B3GALT1: variants seen among roughly 807,000 people sequenced by gnomAD.
B3GALT1 encodes the protein UDP-Gal:betaGlcNAc beta 1,3-galactosyltransferase, polypeptide 1.
B3GALT1 carries 10 observed loss-of-function variants against 23.2 expected under a neutral mutation model. The ratio of observed to expected loss-of-function variants is 0.43; its 90% CI spans 0.27 to 0.73. The LOEUF (loss-of-function observed/expected upper bound fraction) is 0.73. B3GALT1 is among the 30% of genes least tolerant of loss of function. The pLI is 0.21. For synonymous variants in B3GALT1, 156 were observed against 141.5 expected, an observed-to-expected ratio of 1.10 and a Z score of -0.73; for missense variants, 299 against 405.4, an observed-to-expected ratio of 0.74 and a Z score of 2.25.
chr2:167,739,939 C>A (rs12620187), intron 3 of B3GALT1, among the ~76,000 whole-genome samples: 75,162 of 118,004 alleles, frequency 0.64, 21,687 homozygotes, highest in African/African-American at 0.71. Context: ...AAAAAACAAA[C>A]AAAAAAAAAA....
chr2:167,665,518 G>A (rs1217760959), intron 3 of B3GALT1, among the ~76,000 whole-genome samples: 1 of 151,196 alleles, frequency 6.6e-6, no homozygotes, highest in African/African-American at 2.4e-5. Context: ...CTATTGATTG[G>A]AATAGTTTCA....
At chr2:167,505,775 C>T (rs189233529) in intron 2 of B3GALT1, among the ~76,000 whole-genome samples, 1 of 152,162 alleles carries the variant, frequency 6.6e-6, no homozygotes, top group African/African-American at 2.4e-5. Context: ...GACACAGATA[C>T]TAGGCCCAGC....
At chr2:167,727,918 ACATT>A (rs759093299) in intron 3 of B3GALT1, among the ~76,000 whole-genome samples, 31,574 of 152,198 alleles carry the variant, frequency 0.21, 3,694 homozygotes, top group East Asian at 0.31. Flanking sequence ...AGCTTTTGAT[ACATT>A]GGTGTCTGAA....
rs1401263788 is a variant in B3GALT1, at chr2:167,680,767, C to T, written c.-352+33801C>T. On this transcript the variant is annotated intron_variant, in intron 3 of 4. Coordinates refer to ENST00000392690, the MANE Select transcript of B3GALT1 (RefSeq NM_020981.4). ...ATTCCTCATATTCTCTCCGATTATT[C>T]GCGCAGAATTTTTTTTTATTTCAAA... Among the ~76,000 whole-genome samples the T allele has an allele frequency of 6.1e-5, 9 of 148,138 alleles. No homozygotes were observed. The East Asian group carries it at 1.2e-3, about 19-fold the overall frequency.
intron 2 of B3GALT1, among the ~76,000 whole-genome samples, chr2:167,492,990 A>G (rs574108334): frequency 6.6e-6 from 1 of 152,280 alleles, no homozygotes; most frequent in South Asian, 2.1e-4. Flanking sequence ...TGCAGAAGAT[A>G]TAAAAGATTC....
chr2:167,579,630 A>G (rs1173065319), intron 2 of B3GALT1, among the ~76,000 whole-genome samples: 1 of 151,906 alleles, frequency 6.6e-6, no homozygotes, highest in East Asian at 1.9e-4. Flanking sequence ...GGCTACTCTA[A>G]AGAGCCATTT....
At chr2:167,637,115 A>G (rs1685569374) in intron 2 of B3GALT1, among the ~76,000 whole-genome samples, 2 of 152,116 alleles carry the variant, frequency 1.3e-5, no homozygotes, top group East Asian at 3.9e-4. Context: ...CCATGTCTGC[A>G]GGAATATGTA....
intron 3 of B3GALT1, among the ~76,000 whole-genome samples, chr2:167,771,156 T>C (rs1462320517): frequency 6.6e-6 from 1 of 152,228 alleles, no homozygotes; most frequent in Admixed American, 6.5e-5. Flanking sequence ...GGACTAATAA[T>C]GTATTTTGTG....
At chr2:167,757,215 C>T (rs895379157) in intron 3 of B3GALT1, among the ~76,000 whole-genome samples, 3 of 152,146 alleles carry the variant, frequency 2.0e-5, no homozygotes, top group Admixed American at 6.6e-5. Flanking sequence ...TAATTTGCTG[C>T]CGTGCCCCAT....
chr2:167,588,846 TTTCC>T (rs979698628), intron 2 of B3GALT1, among the ~76,000 whole-genome samples: 10 of 125,094 alleles, frequency 8.0e-5, no homozygotes, highest in East Asian at 3.1e-4. Flanking sequence ...TCCTTCCTTC[TTTCC>T]TTCCTTCCTT....
chr2:167,403,080 G>T (rs1698218158), intron 1 of B3GALT1, among the ~76,000 whole-genome samples: 1 of 151,448 alleles, frequency 6.6e-6, no homozygotes, highest in Non-Finnish European at 1.5e-5. Context: ...ACAACGTGCA[G>T]GTTGCATAGG....
chr2:167,729,231 G>T (rs1430227075), intron 3 of B3GALT1, among the ~76,000 whole-genome samples: 1 of 152,220 alleles, frequency 6.6e-6, no homozygotes, highest in African/African-American at 2.4e-5. Context: ...GGGGTAACTT[G>T]TTGAATGAGC....
At chr2:167,369,043 G>A (rs1292181171) in intron 1 of B3GALT1, among the ~76,000 whole-genome samples, 1 of 150,588 alleles carries the variant, frequency 6.6e-6, no homozygotes, top group Non-Finnish European at 1.5e-5. Context: ...TTTTGTATTG[G>A]GAAGATAAAA....
At chr2:167,687,367 A>G (rs1686635546) in intron 3 of B3GALT1, among the ~76,000 whole-genome samples, 1 of 152,220 alleles carries the variant, frequency 6.6e-6, no homozygotes, top group African/African-American at 2.4e-5. Context: ...AGTGAAGATA[A>G]GCTAAAGGGT....
intron 3 of B3GALT1, among the ~76,000 whole-genome samples, chr2:167,817,778 A>G (rs1689024654): frequency 6.6e-6 from 1 of 152,132 alleles, no homozygotes; most frequent in Non-Finnish European, 1.5e-5. Flanking sequence ...AGTTAGTTAG[A>G]ATAGAACATT....
At chr2:167,645,222 CA>C (rs1685728415) in intron 2 of B3GALT1, among the ~76,000 whole-genome samples, 1 of 152,070 alleles carries the variant, frequency 6.6e-6, no homozygotes, top group South Asian at 2.1e-4. Flanking sequence ...AAATGCTGCC[CA>C]ACCTGATTTA....
At chr2:167,345,863 C>A (rs1372866926) in intron 1 of B3GALT1, among the ~76,000 whole-genome samples, 7 of 152,050 alleles carry the variant, frequency 4.6e-5, no homozygotes, top group Admixed American at 4.6e-4. Context: ...AAAAACAATT[C>A]TTTGTGAGAG....
chr2:167,357,073 CATTT>C (rs892800312), intron 1 of B3GALT1, among the ~76,000 whole-genome samples: 28 of 151,494 alleles, frequency 1.8e-4, no homozygotes, highest in African/African-American at 6.8e-4. Context: ...TGTGAATAAA[CATTT>C]ATGCAGAATT....
At chr2:167,583,662 G>T (rs1684529024) in intron 2 of B3GALT1, among the ~76,000 whole-genome samples, 1 of 148,760 alleles carries the variant, frequency 6.7e-6, no homozygotes, top group Non-Finnish European at 1.5e-5. Flanking sequence ...TTTAAAAATT[G>T]CATTTGATAT....
Sources: allele counts gnomAD v4.1 joint callset (sites outside exome capture counted in the v4.1 genomes callset), GRCh38; gene constraint gnomAD v4.1.1; transcripts MANE v1.5; gene names NCBI Gene and HGNC (gene_info 2026-07-23, HGNC 2026-07-21).